Variants in PTPRN2 observed in about 807,000 individuals in gnomAD.
PTPRN2 encodes the protein protein tyrosine phosphatase receptor type N2.
In PTPRN2, 74 loss-of-function variants were observed where a neutral mutation model predicts 118.8. That is an observed-to-expected ratio of 0.62 (90% CI 0.52 to 0.76). PTPRN2 has a LOEUF of 0.76. Ranked by LOEUF, PTPRN2 falls within the 30% of genes least tolerant of loss-of-function variation. PTPRN2 has a pLI of 0.00. For synonymous variants in PTPRN2, 641 were observed against 608.0 expected (o/e 1.05, Z -0.80); for missense variants, 1,481 against 1,394.4 (o/e 1.06, Z -0.99).
intron 3 of PTPRN2, among the ~76,000 whole-genome samples, chr7:158,262,485 A>C (rs1027463424): frequency 7.6e-6 from 1 of 131,176 alleles, no homozygotes; most frequent in African/African-American, 3.2e-5. Context: ...TTCACGCTGC[A>C]CACACATACA....
At chr7:157,714,147 C>A (rs1798787545) in intron 12 of PTPRN2, among the ~76,000 whole-genome samples, 1 of 152,194 alleles carries the variant, frequency 6.6e-6, no homozygotes, top group South Asian at 2.1e-4. Flanking sequence ...ATCAACTCTG[C>A]AGAGACGTCT....
At chr7:158,351,024 C>T (rs1360833900) in intron 2 of PTPRN2, among the ~76,000 whole-genome samples, 1 of 152,198 alleles carries the variant, frequency 6.6e-6, no homozygotes, top group East Asian at 1.9e-4. Context: ...AGAACAACGG[C>T]ACACCTGAGC....
At chr7:158,368,208 C>T (rs141280717) in intron 2 of PTPRN2, among the ~76,000 whole-genome samples, 15 of 152,272 alleles carry the variant, frequency 9.9e-5, no homozygotes, top group African/African-American at 2.9e-4. Flanking sequence ...CCTCCTGCAC[C>T]GGCCTCCCAG....
chr7:157,995,711 G>C (rs898672689), intron 11 of PTPRN2, among the ~76,000 whole-genome samples: 37 of 152,248 alleles, frequency 2.4e-4, no homozygotes, highest in Non-Finnish European at 1.3e-4. Flanking sequence ...AGCAGGCGGC[G>C]TAGCACCTCC....
chr7:158,126,550 G>A (rs1344382629), intron 9 of PTPRN2, among the ~76,000 whole-genome samples: 4 of 82,594 alleles, frequency 4.8e-5, no homozygotes, highest in East Asian at 6.4e-4. Context: ...AGCGGGCGGC[G>A]GAACTTCCTC....
At chr7:158,225,952 T>C (rs1335422546) in intron 3 of PTPRN2, among the ~76,000 whole-genome samples, 1 of 151,852 alleles carries the variant, frequency 6.6e-6, no homozygotes, top group Non-Finnish European at 1.5e-5. Flanking sequence ...ACGTCAAAGC[T>C]ACATCAGGAA....
intron 2 of PTPRN2, among the ~76,000 whole-genome samples, chr7:158,479,233 G>C (rs539839946): frequency 6.6e-6 from 1 of 152,074 alleles, no homozygotes; most frequent in South Asian, 2.1e-4. Flanking sequence ...GAGTGGGGCG[G>C]CGTGGCACAG....
intron 11 of PTPRN2, among the ~76,000 whole-genome samples, chr7:157,902,274 C>T (rs1797504392): frequency 6.6e-6 from 1 of 152,282 alleles, no homozygotes; most frequent in Admixed American, 6.5e-5. Context: ...ATCTTGTTGG[C>T]TGCAGTGGAA....
At chr7:158,361,717 A>G (rs1482694012) in intron 2 of PTPRN2, among the ~76,000 whole-genome samples, 1 of 152,150 alleles carries the variant, frequency 6.6e-6, no homozygotes, top group African/African-American at 2.4e-5. Context: ...CTAGGCAGGC[A>G]TGGATCTGTG....
In PTPRN2 at chr7:157,550,397, G is replaced by A. The variant is rs1393103699; in HGVS notation, c.2903-1378C>T. On this transcript the variant is annotated intron_variant, in intron 21 of 22. Transcript: ENST00000389418. The surrounding 1 kb of genome is among the most constrained non-coding windows in gnomAD (Gnocchi z 5.2). ...GCGGGGAGGCCTGGGGAGGACACACGTTGGAACCAAATGTCATGTTTGCAT... is the reference window on the plus strand; with the variant it reads ...GCGGGGAGGCCTGGGGAGGACACACATTGGAACCAAATGTCATGTTTGCAT... Among the ~76,000 whole-genome samples the A allele has an allele frequency of 5.9e-5, 9 of 152,338 alleles. No individual in the cohort carries two copies. In the East Asian group the frequency reaches 1.5e-3, roughly 26 times the overall value.
At chr7:157,541,174 T>C (rs1400463019) in intron 22 of PTPRN2, among the ~76,000 whole-genome samples, 1 of 152,174 alleles carries the variant, frequency 6.6e-6, no homozygotes, top group Non-Finnish European at 1.5e-5. Flanking sequence ...TGGTGGACGG[T>C]GTGAGGGGCA....
intron 12 of PTPRN2, among the ~76,000 whole-genome samples, chr7:157,755,644 T>C (rs1801736013): frequency 1.3e-5 from 2 of 152,078 alleles, no homozygotes; most frequent in Non-Finnish European, 2.9e-5. Flanking sequence ...AAATGCCACA[T>C]GTTCTCACTT....
intron 2 of PTPRN2, among the ~76,000 whole-genome samples, chr7:158,459,264 T>C (rs796769854): frequency 7.1e-3 from 79 of 11,180 alleles, no homozygotes; most frequent in Middle Eastern, 0.083. Context: ...CTGCCTGGGA[T>C]GAATGGGCTC....
intron 14 of PTPRN2, among the ~76,000 whole-genome samples, chr7:157,633,575 C>T (rs1173954765): frequency 6.6e-6 from 1 of 152,158 alleles, no homozygotes; most frequent in African/African-American, 2.4e-5. Context: ...GGTGTGGGGA[C>T]GGGGTGCACC....
chr7:158,124,370 G>T (rs140569590), intron 9 of PTPRN2, among the ~76,000 whole-genome samples: 1 of 152,226 alleles, frequency 6.6e-6, no homozygotes, highest in Non-Finnish European at 1.5e-5. Flanking sequence ...AGGCCCCCAC[G>T]TTAGTGGACA....
At chr7:157,586,528 G>C (rs563539512) in intron 17 of PTPRN2, among the ~76,000 whole-genome samples, 3 of 152,356 alleles carry the variant, frequency 2.0e-5, no homozygotes, top group African/African-American at 7.2e-5. Context: ...TCCCAGGCTG[G>C]ACACATCTGA....
chr7:157,745,793 C>T (rs1442627976), intron 12 of PTPRN2, among the ~76,000 whole-genome samples: 1 of 152,180 alleles, frequency 6.6e-6, no homozygotes, highest in African/African-American at 2.4e-5. Context: ...CATTTCCAGG[C>T]AGTCGGTAAA....
At chr7:158,098,414 C>CT (rs201185994) in intron 10 of PTPRN2, among the ~76,000 whole-genome samples, 3,182 of 152,318 alleles carry the variant, frequency 0.021, 49 homozygotes, top group Non-Finnish European at 0.035. Flanking sequence ...CGCCAGTGTC[C>CT]TAAGGCGGGA....
intron 8 of PTPRN2, among the ~76,000 whole-genome samples, chr7:158,135,313 A>C (rs1229647769): frequency 6.6e-6 from 1 of 152,236 alleles, no homozygotes; most frequent in Non-Finnish European, 1.5e-5. Flanking sequence ...TAAACAAAAT[A>C]GTAGTGTGAT....
Sources: gnomAD v4.1 joint callset for allele counts (sites outside exome capture counted in the v4.1 genomes callset) on GRCh38, gnomAD v4.1.1 for gene constraint, Gnocchi (gnomAD v3.1) non-coding constraint, MANE v1.5 for transcripts, NCBI Gene and HGNC (gene_info 2026-07-23, HGNC 2026-07-21) for gene names.